The following MAP2K5 variants were observed in gnomAD, a reference collection of about 807,000 sequenced individuals.
The protein encoded by MAP2K5 is mitogen-activated protein kinase kinase 5, also known as dual specificity mitogen-activated protein kinase kinase 5.
MAP2K5 carries 49 observed loss-of-function variants against 83.1 expected under a neutral mutation model. That is an observed-to-expected ratio of 0.59 (90% confidence interval 0.47 to 0.75). The LOEUF is 0.75. Among genes scored for constraint, MAP2K5 ranks in the 30% least tolerant of loss-of-function variants. The probability of loss-of-function intolerance (pLI) is 0.00; values close to 1 mark genes in which losing one functional copy is unlikely to be tolerated. For missense variants in MAP2K5, 457 were observed against 557.5 expected (o/e 0.82, Z 1.82); for synonymous variants, 202 against 191.8 (o/e 1.05, Z -0.44).
rs1596850636 is a variant in MAP2K5 at position 67,719,234 on chromosome 15, A to G, written c.1045-8682A>G. Reference sequence around the variant, plus strand: ...ATGGTAGCTACTGATCAGTCTAAGCAGTGATACGTAAGAGGGCCTTGTCGG... The same window carrying G: ...ATGGTAGCTACTGATCAGTCTAAGCGGTGATACGTAAGAGGGCCTTGTCGG... On this transcript the variant is annotated intron_variant, in intron 16 of 21. Transcript: ENST00000178640. This position sits in a 1 kb window ranked among gnomAD's most constrained non-coding sequence, Gnocchi z 4.6. Among the ~76,000 whole-genome samples the G allele has an allele frequency of 6.6e-6, 1 of 152,226 alleles. No homozygotes were observed. The highest frequency in any genetic ancestry group is 1.5e-5 in the Non-Finnish European group (1 of 68,048).
rs2088603734 is a variant in MAP2K5 at position 67,708,181 on chromosome 15, G to A, written c.1044+4773G>A. 6.6e-6 allele frequency among the ~76,000 whole-genome samples: 1 copy of A among 152,038 alleles called. No individual in the cohort carries two copies. The highest frequency in any genetic ancestry group is 2.1e-4 in the South Asian group (1 of 4,818). On this transcript the variant is annotated intron_variant, in intron 16 of 21. Transcript: ENST00000178640. The surrounding 1 kb of genome is among the most constrained non-coding windows in gnomAD (Gnocchi z 4.9). ...AACAATTTTTTTTTTCATTTAGCCA[G>A]GAATGGTGGTGTGTGCCTATAGTCC...
At chr15:67,732,864 GGA>G in intron 17 of MAP2K5, among the ~76,000 whole-genome samples, 1 of 152,182 alleles carries the variant, frequency 6.6e-6, no homozygotes, top group Non-Finnish European at 1.5e-5. Flanking sequence ...CACTGGCATG[GGA>G]GAGTGTGAAT....
At chr15:67,627,632 ACTAAATCATTT>A (rs1243081924) in intron 8 of MAP2K5, among the ~76,000 whole-genome samples, 1 of 152,250 alleles carries the variant, frequency 6.6e-6, no homozygotes, top group Admixed American at 6.5e-5. Flanking sequence ...GCTCTTAATA[ACTAAATCATTT>A]CTATAAGTCA....
At chr15:67,765,378 A>G (rs2090022828) in intron 19 of MAP2K5, among the ~76,000 whole-genome samples, 1 of 152,162 alleles carries the variant, frequency 6.6e-6, no homozygotes, top group Non-Finnish European at 1.5e-5. Context: ...TTTAAAAAGT[A>G]TAGTACAATA....
chr15:67,553,605 T>C (rs1370736323), intron 2 of MAP2K5, among the ~76,000 whole-genome samples: 1 of 152,144 alleles, frequency 6.6e-6, no homozygotes, highest in African/African-American at 2.4e-5. Context: ...AACCAATAAA[T>C]GGAATCTATG....
At chr15:67,687,612 A>G (rs2087989454) in intron 13 of MAP2K5, among the ~76,000 whole-genome samples, 1 of 152,162 alleles carries the variant, frequency 6.6e-6, no homozygotes, top group Admixed American at 6.5e-5. Context: ...GTACTTTTAA[A>G]TGACTATGGA....
chr15:67,596,618 A>T (rs2085532800), intron 7 of MAP2K5, among the ~76,000 whole-genome samples: 1 of 152,200 alleles, frequency 6.6e-6, no homozygotes, highest in South Asian at 2.1e-4. Flanking sequence ...AAACTACACA[A>T]CAGCCCTCCT....
chr15:67,733,298 T>A (rs2089265949), intron 17 of MAP2K5, among the ~76,000 whole-genome samples: 1 of 152,180 alleles, frequency 6.6e-6, no homozygotes. Flanking sequence ...TTTAAGCTGT[T>A]TTTAAGAATT....
At chr15:67,694,893 A>C (rs2141205263) in intron 15 of MAP2K5, among the ~76,000 whole-genome samples, 1 of 152,350 alleles carries the variant, frequency 6.6e-6, no homozygotes, top group South Asian at 2.1e-4. Context: ...GATTAAAAAA[A>C]TGTGGCACAT....
intron 21 of MAP2K5, among the ~76,000 whole-genome samples, chr15:67,791,052 A>G (rs1295595411): frequency 1.3e-5 from 2 of 152,242 alleles, no homozygotes; most frequent in African/African-American, 4.8e-5. Context: ...TCACGCCATG[A>G]ATAGTCCACC....
chr15:67,620,169 G>A (rs1043605937), intron 8 of MAP2K5, among the ~76,000 whole-genome samples: 3 of 152,142 alleles, frequency 2.0e-5, no homozygotes, highest in Admixed American at 6.5e-5. Context: ...TCAGGAGTTC[G>A]AGACCAGCTT....
chr15:67,756,018 T>C (rs528468315), intron 19 of MAP2K5, among the ~76,000 whole-genome samples: 2 of 152,244 alleles, frequency 1.3e-5, no homozygotes, highest in Admixed American at 6.5e-5. Context: ...ATTTTTCAGC[T>C]ACAAACCTAA....
At chr15:67,806,322 A>G (rs953520918) in intron 21 of MAP2K5, among the ~76,000 whole-genome samples, 2 of 152,264 alleles carry the variant, frequency 1.3e-5, no homozygotes, top group East Asian at 1.9e-4. Context: ...TGCCGGGCAG[A>G]GGAAGGGCCA....
intron 15 of MAP2K5, among the ~76,000 whole-genome samples, chr15:67,695,817 G>A (rs894739343): frequency 6.6e-6 from 1 of 152,122 alleles, no homozygotes; most frequent in Non-Finnish European, 1.5e-5. Flanking sequence ...GAAAATGTGA[G>A]GATTAAAATT....
Position 67,587,037 on chromosome 15 carries a change from A to G in MAP2K5, c.431+124A>G, listed in dbSNP as rs1292831550. 2.2e-6 allele frequency: 2 copies of G among 892,006 alleles called. No homozygotes were observed. Among genetic ancestry groups the G allele is most frequent in the Non-Finnish European group, 3.8e-6 (2 of 531,796 alleles). The allele number at this position is 892,006 out of a possible 1,614,324, so 55.3% of individuals were successfully genotyped here. On this transcript the variant is annotated intron_variant, in intron 6 of 21. Transcript: ENST00000178640. This position sits in a 1 kb window ranked among gnomAD's most constrained non-coding sequence, Gnocchi z 4.8. Reference sequence around the variant, plus strand: ...ACCTAGCTACGTATTGACCAAAGAGAAAGGACCTCATATGGAAAGATGAAT... The same window carrying G: ...ACCTAGCTACGTATTGACCAAAGAGGAAGGACCTCATATGGAAAGATGAAT...
At chr15:67,618,118 G>A (rs2086096322) in intron 8 of MAP2K5, among the ~76,000 whole-genome samples, 1 of 152,292 alleles carries the variant, frequency 6.6e-6, no homozygotes, top group East Asian at 1.9e-4. Flanking sequence ...TTTATGTATT[G>A]TACTAGACTC....
At chr15:67,804,607 C>T (rs1038788136) in intron 21 of MAP2K5, among the ~76,000 whole-genome samples, 2 of 152,218 alleles carry the variant, frequency 1.3e-5, no homozygotes, top group African/African-American at 2.4e-5. Context: ...CCTCTACGCT[C>T]CCTCCTGCAG....
intron 21 of MAP2K5, among the ~76,000 whole-genome samples, chr15:67,791,226 T>A (rs1281504679): frequency 2.0e-5 from 3 of 152,204 alleles, no homozygotes; most frequent in African/African-American, 7.2e-5. Flanking sequence ...GAGGAGACTC[T>A]TCTGCATTAA....
chr15:67,770,119 AAATAC>A lies in MAP2K5; in HGVS notation c.1196+462_1196+466del, dbSNP rs1342408440. ...TAACTTTTATCTTTGGTTGTATTTT[AAATAC>A]AATACTGGGGTACCATTTCAATGAA... On this transcript the variant is annotated intron_variant, in intron 20 of 21. Transcript: ENST00000178640. The surrounding 1 kb of genome is among the most constrained non-coding windows in gnomAD (Gnocchi z 5.0). Among the ~76,000 whole-genome samples, 1 of 152,202 alleles carries A rather than the reference AAATAC, an allele frequency of 6.6e-6. No homozygotes were observed. Among genetic ancestry groups the A allele is most frequent in the Admixed American group, 6.5e-5 (1 of 15,282 alleles).
Sources: allele counts gnomAD v4.1 joint callset (sites outside exome capture counted in the v4.1 genomes callset), GRCh38; gene constraint gnomAD v4.1.1; non-coding constraint Gnocchi (gnomAD v3.1); transcripts MANE v1.5; gene names NCBI Gene and HGNC (gene_info 2026-07-23, HGNC 2026-07-21).